The following ACTR2 variants were observed in gnomAD, a reference collection of about 807,000 sequenced individuals.
The protein encoded by ACTR2 is actin-related protein 2.
ACTR2 carries 5 observed loss-of-function variants against 50.2 expected under a neutral mutation model. That is an observed-to-expected ratio of 0.10 (90% confidence interval 0.05 to 0.21). The LOEUF (loss-of-function observed/expected upper bound fraction) is 0.21, where lower values mean the gene tolerates loss of function less well. Ranked by LOEUF, ACTR2 falls within the 10% of genes least tolerant of loss-of-function variation. The probability of loss-of-function intolerance (pLI) is 1.00; values close to 1 mark genes in which losing one functional copy is unlikely to be tolerated. For missense variants in ACTR2, 180 were observed against 480.6 expected (o/e 0.37, Z 5.85); for synonymous variants, 140 against 162.9 (o/e 0.86, Z 1.07).
chr2:65,259,337 C>T (rs1672217660), intron 6 of ACTR2, among the ~76,000 whole-genome samples: 2 of 151,048 alleles, frequency 1.3e-5, no homozygotes, highest in African/African-American at 4.9e-5. Flanking sequence ...TGGGAGAATC[C>T]CTTGAATCTG....
intron 2 of ACTR2, chr2:65,242,190 T>C (rs559435475): frequency 7.2e-6 from 5 of 690,838 alleles, no homozygotes; most frequent in African/African-American, 7.0e-5. Context: ...TTAAGTACTT[T>C]GATTTTTAAC....
chr2:65,233,538 GCTT>G (rs1339279363), intron 1 of ACTR2, among the ~76,000 whole-genome samples: 9 of 151,634 alleles, frequency 5.9e-5, no homozygotes, highest in African/African-American at 2.2e-4. Context: ...TTTCTTTACT[GCTT>G]CTTGCAGAGC....
At chr2:65,266,401 C>G (rs1329619577) in intron 8 of ACTR2, among the ~76,000 whole-genome samples, 1 of 151,944 alleles carries the variant, frequency 6.6e-6, no homozygotes, top group Non-Finnish European at 1.5e-5. Context: ...TGCAAAAGCC[C>G]CAGGTTGGTG....
Position 65,251,008 on chromosome 2 carries a change from T to G in ACTR2, c.376-19T>G, listed in dbSNP as rs1418459972. ...AATTTTCTAAATACCAGTTTTTTTCTTTCTGTCTGCATTTACAGGTAATGT... is the reference window on the plus strand; with the variant it reads ...AATTTTCTAAATACCAGTTTTTTTCGTTCTGTCTGCATTTACAGGTAATGT... On this transcript the variant is annotated intron_variant, in intron 3 of 8. Transcript: ENST00000260641. 1 of 1,567,800 alleles carries G rather than the reference T, an allele frequency of 6.4e-7. No individual in the cohort carries two copies. The highest frequency in any genetic ancestry group is 8.7e-7 in the Non-Finnish European group (1 of 1,155,348).
chr2:65,267,523 C>G (rs1238126676), intron 8 of ACTR2, among the ~76,000 whole-genome samples: 1 of 152,156 alleles, frequency 6.6e-6, no homozygotes, highest in African/African-American at 2.4e-5. Context: ...GATCGTGATA[C>G]TGTAAATGAA....
chr2:65,246,873 T>C, intron 3 of ACTR2, 134 bp downstream of exon 3: 1 of 669,628 alleles, frequency 1.5e-6, no homozygotes, highest in Non-Finnish European at 2.4e-6. Flanking sequence ...GTATCTACTA[T>C]ATGCTAGTCA....
intron 8 of ACTR2, among the ~76,000 whole-genome samples, chr2:65,265,870 C>T (rs1672362064): frequency 6.6e-6 from 1 of 152,096 alleles, no homozygotes; most frequent in African/African-American, 2.4e-5. Context: ...TGACTTTGAT[C>T]AACTGTTTTA....
At chr2:65,229,750 CAAAAAAAAAAAAAAAAA>C (rs57953942) in intron 1 of ACTR2, among the ~76,000 whole-genome samples, 14 of 54,056 alleles carry the variant, frequency 2.6e-4, no homozygotes, top group Non-Finnish European at 4.5e-4. Flanking sequence ...GACTCCGTCT[CAAAAAAAAAAAAAAAAA>C]AAAAGAAAAA....
At position 65,271,128 on chromosome 2, in the gene ACTR2, A is replaced by G. The variant is rs1672487090; in HGVS notation, c.*2394A>G. ...CATGGTTTTGGTGGTTAACTTTTAC[A>G]CAGTTCTGAGTACTGTTAATATCTG... On this transcript the variant is annotated 3_prime_UTR_variant, in exon 9 of 9. Transcript: ENST00000260641. The G allele has an allele frequency of 6.6e-6, 1 of 152,180 alleles. No individual in the cohort carries two copies. The highest frequency in any genetic ancestry group is 1.5e-5 in the Non-Finnish European group (1 of 68,022). The allele number at this position is 152,180 out of a possible 1,614,324, so 9.4% of individuals were successfully genotyped here.
chr2:65,245,301 C>A (rs1671915356), intron 2 of ACTR2, among the ~76,000 whole-genome samples: 1 of 152,044 alleles, frequency 6.6e-6, no homozygotes, highest in Admixed American at 6.6e-5. Flanking sequence ...GGGTGAATTA[C>A]TTGAGGTCAG....
intron 6 of ACTR2, among the ~76,000 whole-genome samples, chr2:65,257,272 T>C (rs768163414): frequency 6.6e-6 from 1 of 152,164 alleles, no homozygotes; most frequent in Non-Finnish European, 1.5e-5. Context: ...GTAAAGGACA[T>C]GAACTCATTC....
At chr2:65,242,754 A>G (rs1019141333) in intron 2 of ACTR2, 4 of 390,888 alleles carry the variant, frequency 1.0e-5, no homozygotes, top group African/African-American at 4.2e-5. Context: ...TTAACTCTTC[A>G]TTGTATTTTT....
intron 4 of ACTR2, 29 bp from the exon 5 acceptor site, chr2:65,253,699 T>G (rs1303556617): frequency 1.2e-6 from 2 of 1,601,808 alleles, no homozygotes; most frequent in East Asian, 4.5e-5. Context: ...ATTTGACTTT[T>G]TATTTAAATC....
Position 65,269,267 on chromosome 2 carries a change from A to G in ACTR2, c.*533A>G, listed in dbSNP as rs1200582684. 1 of 150,430 alleles carries G rather than the reference A, an allele frequency of 6.6e-6. No individual in the cohort carries two copies. Among genetic ancestry groups the G allele is most frequent in the Non-Finnish European group, 1.5e-5 (1 of 67,798 alleles). 9.3% of individuals were successfully genotyped at this position (150,430 alleles called of 1,614,324 possible). ...CTTCTCCTGTGAACTTCTTAGGGAA[A>G]TGTTAGGTTCAGAACTAAAGTGTTT... On this transcript the variant is annotated 3_prime_UTR_variant, in exon 9 of 9. Transcript: ENST00000260641.
chr2:65,241,669 G>A (rs1331410733), intron 2 of ACTR2, among the ~76,000 whole-genome samples: 1 of 152,128 alleles, frequency 6.6e-6, no homozygotes, highest in East Asian at 1.9e-4. Flanking sequence ...TGCCTACTCA[G>A]CTAGACCTTT....
At chr2:65,259,048 C>G (rs1369507084) in intron 6 of ACTR2, among the ~76,000 whole-genome samples, 1 of 151,860 alleles carries the variant, frequency 6.6e-6, no homozygotes, top group Non-Finnish European at 1.5e-5. Context: ...TCTCGGCTCA[C>G]TTCAGTCTCA....
In ACTR2 at chr2:65,266,069, C is replaced by G. The variant is rs571167783; in HGVS notation, c.1014+894C>G. Among the ~76,000 whole-genome samples, 7 of 152,260 alleles carry G rather than the reference C, an allele frequency of 4.6e-5. No homozygotes were observed. In the South Asian group the frequency reaches 1.2e-3, roughly 27 times the overall value. On this transcript the variant is annotated intron_variant, in intron 8 of 8. Coordinates refer to ENST00000260641, the MANE Select transcript of ACTR2 (RefSeq NM_005722.4). The stretch of plus-strand genomic sequence containing the variant: ...GTTTTACATATAATTTATAATTAAT[C>G]TCAGGTGATCATTTATTCAGCAAAC...
intron 3 of ACTR2, among the ~76,000 whole-genome samples, chr2:65,248,852 A>G (rs940361199): frequency 6.6e-6 from 1 of 152,064 alleles, no homozygotes; most frequent in African/African-American, 2.4e-5. Context: ...CGTCTCTACT[A>G]AAAACACAAA....
At chr2:65,249,144 G>T (rs532247677) in intron 3 of ACTR2, among the ~76,000 whole-genome samples, 1 of 152,278 alleles carries the variant, frequency 6.6e-6, no homozygotes, top group South Asian at 2.1e-4. Context: ...TTTTATTTTT[G>T]TATATATGAA....
Sources: allele counts gnomAD v4.1 joint callset (sites outside exome capture counted in the v4.1 genomes callset), GRCh38; gene constraint gnomAD v4.1.1; transcripts MANE v1.5; gene names NCBI Gene and HGNC (gene_info 2026-07-23, HGNC 2026-07-21).